The following PTPRG variants were observed in gnomAD, a reference collection of about 807,000 sequenced individuals.
PTPRG encodes the protein receptor-type tyrosine-protein phosphatase gamma.
A neutral mutation model predicts 165.3 loss-of-function variants in PTPRG; 102 were observed. The observed-to-expected ratio is 0.62, with a 90% CI of 0.53 to 0.73. The LOEUF (loss-of-function observed/expected upper bound fraction) is 0.73. PTPRG is among the 30% of genes least tolerant of loss of function. PTPRG has a pLI of 0.00. For synonymous variants in PTPRG, 675 were observed against 669.5 expected (o/e 1.01, Z -0.13); for missense variants, 1,866 against 1,861.4 (o/e 1.00, Z -0.05).
chr3:62,173,090 G>T (rs1229602397), intron 8 of PTPRG, among the ~76,000 whole-genome samples: 2 of 152,104 alleles, frequency 1.3e-5, no homozygotes, highest in African/African-American at 2.4e-5. Context: ...ATAAAATGGT[G>T]TTGTATTTGC....
chr3:61,729,061 C>CA (rs927248532), intron 1 of PTPRG, among the ~76,000 whole-genome samples: 1 of 79,352 alleles, frequency 1.3e-5, no homozygotes, highest in East Asian at 2.7e-3. Flanking sequence ...GACCCTGTCT[C>CA]AAAAAAACAA....
chr3:61,659,420 C>T (rs1702599526), intron 1 of PTPRG: 1 of 985,194 alleles, frequency 1.0e-6, no homozygotes. Flanking sequence ...GCTGTGTACA[C>T]TTCTTAAAAG....
chr3:61,718,319 A>T (rs2106779354), intron 1 of PTPRG, among the ~76,000 whole-genome samples: 1 of 152,012 alleles, frequency 6.6e-6, no homozygotes, highest in Non-Finnish European at 1.5e-5. Context: ...TTAAAAATTC[A>T]TTTTATATTC....
chr3:62,287,772 T>C (rs970101856), intron 28 of PTPRG, among the ~76,000 whole-genome samples: 2 of 152,160 alleles, frequency 1.3e-5, no homozygotes, highest in Non-Finnish European at 2.9e-5. Flanking sequence ...CGTGATCTAA[T>C]AGTGATATAG....
chr3:61,952,024 A>G (rs1413646848), intron 2 of PTPRG, among the ~76,000 whole-genome samples: 1 of 148,748 alleles, frequency 6.7e-6, no homozygotes, highest in African/African-American at 2.5e-5. Context: ...AGGCTGAGGC[A>G]GGAGAATCAC....
intron 2 of PTPRG, among the ~76,000 whole-genome samples, chr3:61,970,251 C>T (rs9837811): frequency 0.23 from 34,883 of 151,968 alleles, 4,481 homozygotes; most frequent in African/African-American, 0.33. Flanking sequence ...GAAAGAAGGC[C>T]TTTAATTTTT....
At chr3:62,192,199 G>T (rs969305426) in intron 9 of PTPRG, among the ~76,000 whole-genome samples, 1 of 151,904 alleles carries the variant, frequency 6.6e-6, no homozygotes, top group African/African-American at 2.4e-5. Context: ...CCCTACAGCT[G>T]TGTAATATTT....
intron 1 of PTPRG, among the ~76,000 whole-genome samples, chr3:61,653,922 G>A (rs1702438205): frequency 1.3e-5 from 2 of 151,298 alleles, no homozygotes; most frequent in South Asian, 4.2e-4. Flanking sequence ...GAACTGTAAG[G>A]GAACATGTAA....
chr3:61,574,528 T>C (rs1559508725), intron 1 of PTPRG, among the ~76,000 whole-genome samples: 1 of 152,134 alleles, frequency 6.6e-6, no homozygotes, highest in East Asian at 1.9e-4. Context: ...GAGTGGAGGG[T>C]GCAGAAAATC....
chr3:62,167,190 GTAT>G (rs1705022205), intron 7 of PTPRG, among the ~76,000 whole-genome samples: 1 of 152,148 alleles, frequency 6.6e-6, no homozygotes, highest in African/African-American at 2.4e-5. Flanking sequence ...TATAAGGTAA[GTAT>G]TATTACGTGT....
intron 5 of PTPRG, among the ~76,000 whole-genome samples, chr3:62,121,874 C>T (rs1325769512): frequency 6.6e-6 from 1 of 152,182 alleles, no homozygotes; most frequent in African/African-American, 2.4e-5. Context: ...TCTGGTTTTC[C>T]ATTTTGTTCT....
rs146178548 is a variant in PTPRG, at chr3:61,633,087, A to T, written c.85+70715A>T. Among the ~76,000 whole-genome samples the T allele has an allele frequency of 2.2e-3, 341 of 152,302 alleles. 4 individuals carry two copies. Among genetic ancestry groups the T allele is most frequent in the African/African-American group, 8.1e-3 (335 of 41,570 alleles). ...TCACCTCCTTAGGGAGACTTCCCTG[A>T]TCTTTGTATCTAAAGCACATCCCAT... is the stretch of plus-strand genomic sequence containing the variant. On this transcript the variant is annotated intron_variant, in intron 1 of 29. Transcript: ENST00000474889.
intron 7 of PTPRG, among the ~76,000 whole-genome samples, chr3:62,163,605 G>A (rs1244921885): frequency 6.6e-6 from 1 of 152,192 alleles, no homozygotes; most frequent in African/African-American, 2.4e-5. Context: ...GGATAAGGAA[G>A]GGAAGGTTGA....
At chr3:61,762,187 T>C (rs2033863391) in intron 2 of PTPRG, among the ~76,000 whole-genome samples, 1 of 152,186 alleles carries the variant, frequency 6.6e-6, no homozygotes, top group African/African-American at 2.4e-5. Context: ...TTGACACTTT[T>C]TGATGGTCCT....
intron 13 of PTPRG, among the ~76,000 whole-genome samples, chr3:62,226,592 A>G (rs1350563138): frequency 1.3e-5 from 2 of 152,232 alleles, no homozygotes; most frequent in Non-Finnish European, 2.9e-5. Context: ...CTAGCCTAGA[A>G]AAAGACTTGC....
chr3:62,049,490 G>T (rs553676277), intron 4 of PTPRG, among the ~76,000 whole-genome samples: 1 of 152,168 alleles, frequency 6.6e-6, no homozygotes, highest in African/African-American at 2.4e-5. Flanking sequence ...GATGCTCGCT[G>T]TTTCATGTAA....
chr3:61,738,321 T>C (rs1217855191), intron 1 of PTPRG, among the ~76,000 whole-genome samples: 4 of 114,728 alleles, frequency 3.5e-5, no homozygotes, highest in African/African-American at 6.1e-5. Context: ...TACATATATA[T>C]ATATATATAT....
chr3:61,638,603 T>C (rs1341727017), intron 1 of PTPRG, among the ~76,000 whole-genome samples: 1 of 142,000 alleles, frequency 7.0e-6, no homozygotes, highest in African/African-American at 2.5e-5. Flanking sequence ...TTTTTTTTTT[T>C]TTTTTTTTTT....
rs1381828325 is a variant in PTPRG, at chr3:62,092,458, AAG to A, written c.615+14202_615+14203del. 3.5e-3 allele frequency among the ~76,000 whole-genome samples: 467 copies of A among 135,234 alleles called. 20 individuals carry two copies. The highest frequency in any genetic ancestry group is 0.016 in the African/African-American group (411 of 26,058). 88.7% of individuals were successfully genotyped at this position (135,234 alleles called of 152,430 possible). ...CCATCTGAAAAAAAAAAAAAAAAAA[AAG>A]AAAAAGACAAGGACCTTTGCTTGTT... is the stretch of plus-strand genomic sequence containing the variant. On this transcript the variant is annotated intron_variant, in intron 5 of 29. Coordinates refer to ENST00000474889, the MANE Select transcript of PTPRG (RefSeq NM_002841.4).
Sources: gnomAD v4.1 joint callset for allele counts (sites outside exome capture counted in the v4.1 genomes callset) on GRCh38, gnomAD v4.1.1 for gene constraint, MANE v1.5 for transcripts, NCBI Gene and HGNC (gene_info 2026-07-23, HGNC 2026-07-21) for gene names.